The following ZBTB17 variants were observed in gnomAD, a reference collection of about 807,000 sequenced individuals.
The protein encoded by ZBTB17 is zinc finger and BTB domain containing 17, also known as zinc finger and BTB domain-containing protein 17.
ZBTB17 carries 24 observed loss-of-function variants against 85.1 expected under a neutral mutation model. The observed-to-expected ratio is 0.28, with a 90% CI of 0.20 to 0.40. ZBTB17 has a LOEUF of 0.40. Among genes scored for constraint, ZBTB17 ranks in the 10% least tolerant of loss-of-function variants. The pLI, the probability that ZBTB17 is intolerant of heterozygous loss-of-function variation, is 1.00. For synonymous variants in ZBTB17, 464 were observed against 460.2 expected, an observed-to-expected ratio of 1.01 and a Z score of -0.11; for missense variants, 743 against 1,105.1, an observed-to-expected ratio of 0.67 and a Z score of 4.65.
chr1:15,948,230 G>A (rs2148768646), intron 3 of ZBTB17, 61 bp downstream of exon 3: 1 of 1,600,392 alleles, frequency 6.2e-7, no homozygotes, highest in East Asian at 2.2e-5. Context: ...GCCTAGCATG[G>A]CACAGGGCCG....
In ZBTB17 at chr1:15,973,640, C is replaced by G. The variant is rs1570232229; in HGVS notation, c.-89-515G>C. Among the ~76,000 whole-genome samples, 2 of 152,196 alleles carry G rather than the reference C, an allele frequency of 1.3e-5. No homozygotes were observed. The highest frequency in any genetic ancestry group is 4.8e-5 in the African/African-American group (2 of 41,438). Reference sequence around the variant, plus strand: ...CCAGATCTGCTCCCCGTACTGCTCCCTATCACATGGAGCAGCATCCAACAC... The same window carrying G: ...CCAGATCTGCTCCCCGTACTGCTCCGTATCACATGGAGCAGCATCCAACAC... On this transcript the variant is annotated intron_variant, in intron 1 of 15. Coordinates refer to ENST00000375743, the MANE Select transcript of ZBTB17 (RefSeq NM_003443.3). This position sits in a 1 kb window ranked among gnomAD's most constrained non-coding sequence, Gnocchi z 4.1.
chr1:15,951,026 C>CAGAGTCAGT lies in ZBTB17; in HGVS notation c.-2-2530_-2-2529insACTGACTCT, dbSNP rs1163128985. Among the ~76,000 whole-genome samples the CAGAGTCAGT allele has an allele frequency of 7.2e-5, 11 of 152,252 alleles. No individual in the cohort carries two copies. The highest frequency in any genetic ancestry group is 1.3e-4 in the Non-Finnish European group (9 of 68,014). Reference sequence around the variant, plus strand: ...GCCCCAAGGACAGGGTGGGTGGTGGCCCAGCCCCCCACATACCACCACCCG... The same window carrying CAGAGTCAGT: ...GCCCCAAGGACAGGGTGGGTGGTGGCAGAGTCAGTCCAGCCCCCCACATACCACCACCCG... On this transcript the variant is annotated intron_variant, in intron 2 of 15. Coordinates refer to ENST00000375743, the MANE Select transcript of ZBTB17 (RefSeq NM_003443.3). The surrounding 1 kb of genome is among the most constrained non-coding windows in gnomAD (Gnocchi z 4.1).
At chr1:15,944,661 C>T in intron 8 of ZBTB17, 36 bp downstream of exon 8, 2 of 1,602,622 alleles carry the variant, frequency 1.2e-6, no homozygotes, top group Non-Finnish European at 8.5e-7. Flanking sequence ...CCGGGCCTGG[C>T]AGGGGCCGGG....
chr1:15,958,392 G>A (rs1265320531), intron 2 of ZBTB17, among the ~76,000 whole-genome samples: 3 of 136,806 alleles, frequency 2.2e-5, no homozygotes, highest in Non-Finnish European at 4.6e-5. Flanking sequence ...AGCTAACAGA[G>A]CCACAGCCTG....
Position 15,942,048 on chromosome 1 carries a change from GGGCGGAAGACCA to G in ZBTB17, c.2321_2332del (p.Leu774_Arg777del). On this transcript the variant is annotated inframe_deletion, in exon 16 of 16. Transcript: ENST00000375743. Reference sequence around the variant, plus strand: ...GGGCTGGCCCTCAGCCCCGTCGCGAGGGCGGAAGACCAGCTCCCCAGCCTGCAGCACCTGCCC... The same window carrying G: ...GGGCTGGCCCTCAGCCCCGTCGCGAGGCTCCCCAGCCTGCAGCACCTGCCC... 2 of 1,612,256 alleles carry G rather than the reference GGGCGGAAGACCA, an allele frequency of 1.2e-6. No individual in the cohort carries two copies. Among genetic ancestry groups the G allele is most frequent in the Non-Finnish European group, 1.7e-6 (2 of 1,180,010 alleles).
rs2072750822 is a variant in ZBTB17 at position 15,973,467 on chromosome 1, C to T, written c.-89-342G>A. Among the ~76,000 whole-genome samples the T allele has an allele frequency of 1.3e-5, 2 of 152,220 alleles. No individual in the cohort carries two copies. The highest frequency in any genetic ancestry group is 2.4e-5 in the African/African-American group (1 of 41,462). On this transcript the variant is annotated intron_variant, in intron 1 of 15. Coordinates refer to ENST00000375743, the MANE Select transcript of ZBTB17 (RefSeq NM_003443.3). The surrounding 1 kb of genome is among the most constrained non-coding windows in gnomAD (Gnocchi z 4.1). Reference sequence around the variant, plus strand: ...GGGATATCCTGGACACTTTGTTTCTCATTGCATACCCTACCCTAGGTGAGC... The same window carrying T: ...GGGATATCCTGGACACTTTGTTTCTTATTGCATACCCTACCCTAGGTGAGC...
Position 15,943,147 on chromosome 1 carries a change from T to C in ZBTB17, c.1745A>G (p.Asn582Ser), listed in dbSNP as rs746944189. Residue 582 changes from asparagine to serine, a missense_variant, in exon 13 of 16, where the codon AAC becomes AGC. By Grantham distance (46) the Asn-to-Ser change is conservative. Transcript: ENST00000375743. ...CACGCTGCACTTGTGTGGGCGGATG[T>C]TGTCGTGGTGGCGAATATGATTGGC... ...QLANHIRHHD[N>S]IRPHKCSVCS... is the part of the protein sequence containing the mutation. 6.2e-7 allele frequency: 1 copy of C among 1,614,156 alleles called. No homozygotes were observed. Among genetic ancestry groups the C allele is most frequent in the Non-Finnish European group, 8.5e-7 (1 of 1,179,998 alleles).
At chr1:15,963,365 C>T (rs988395273) in intron 2 of ZBTB17, among the ~76,000 whole-genome samples, 5 of 152,122 alleles carry the variant, frequency 3.3e-5, no homozygotes, top group Admixed American at 2.0e-4. Flanking sequence ...TAAAATGTAT[C>T]AAAGAACTGA....
chr1:15,949,127 C>T (rs1476693208), intron 2 of ZBTB17, among the ~76,000 whole-genome samples: 1 of 152,124 alleles, frequency 6.6e-6, no homozygotes, highest in African/African-American at 2.4e-5. Context: ...TCTTCTGACT[C>T]CAGAAACCTG....
chr1:15,947,915 TCACCTCTCCCCAC>T (rs992413649), intron 3 of ZBTB17, among the ~76,000 whole-genome samples: 1 of 152,142 alleles, frequency 6.6e-6, no homozygotes, highest in Non-Finnish European at 1.5e-5. Context: ...GCCTTCCCCA[TCACCTCTCCCCAC>T]GCTTCTAGTT....
intron 2 of ZBTB17, among the ~76,000 whole-genome samples, chr1:15,956,686 C>A (rs992939967): frequency 6.6e-6 from 1 of 152,110 alleles, no homozygotes; most frequent in Non-Finnish European, 1.5e-5. Flanking sequence ...GAAACAGATA[C>A]ATAGAGAGAG....
rs2072747021 is a variant in ZBTB17, at chr1:15,973,325, C to G, written c.-89-200G>C. On this transcript the variant is annotated intron_variant, in intron 1 of 15. Coordinates refer to ENST00000375743, the MANE Select transcript of ZBTB17 (RefSeq NM_003443.3). The surrounding 1 kb of genome is among the most constrained non-coding windows in gnomAD (Gnocchi z 4.1). ...ACACTGGGACACAAAGATGCACAGACTCAGCCTCAGGCCCTGCTCTCAAGA... is the reference window on the plus strand; with the variant it reads ...ACACTGGGACACAAAGATGCACAGAGTCAGCCTCAGGCCCTGCTCTCAAGA... 6.6e-6 allele frequency among the ~76,000 whole-genome samples: 1 copy of G among 152,216 alleles called. No individual in the cohort carries two copies.
chr1:15,946,263 C>T lies in ZBTB17; in HGVS notation c.426G>A (p.Val142=). 3 of 1,613,872 alleles carry T rather than the reference C, an allele frequency of 1.9e-6. No homozygotes were observed. The highest frequency in any genetic ancestry group is 8.5e-7 in the Non-Finnish European group (1 of 1,179,882). ...CCAGCCTGCTCAGCGTGCTGGTGGC[C>T]ACCTTCTCCTCTTTGGCTCTCTTGT... ...GGDKRAKEEK[V]ATSTLSRLEQ... The change falls in exon 5 of 16, where the codon GTG becomes GTA. Residue 142 remains valine (V), a synonymous_variant. Transcript: ENST00000375743.
intron 2 of ZBTB17, among the ~76,000 whole-genome samples, chr1:15,971,521 T>C (rs1378881120): frequency 3.0e-5 from 4 of 133,782 alleles, no homozygotes; most frequent in Non-Finnish European, 6.1e-5. Context: ...ACTATATATA[T>C]ACACACACAC....
At chr1:15,947,187 C>T in intron 3 of ZBTB17, 64 bp from the exon 4 acceptor site, 1 of 1,503,210 alleles carries the variant, frequency 6.7e-7, no homozygotes, top group South Asian at 1.2e-5. Context: ...GCCTGCCCCA[C>T]CACTCCACTC....
Position 15,943,704 on chromosome 1 carries a change from G to T in ZBTB17, c.1471C>A (p.Arg491=), listed in dbSNP as rs768868810. The change falls in exon 11 of 16, where the codon CGG becomes AGG. Residue 491 remains arginine, a synonymous_variant. Transcript: ENST00000375743. ...KQFTTSGNLK[R]HLRIHSGEKP... is the part of the protein sequence containing the mutation. ...TCCCCGCTGTGGATCCGAAGGTGCC[G>T]CTTCAGGTTCCCTGTGGCGAGACCG... 17 of 1,613,284 alleles carry T rather than the reference G, an allele frequency of 1.1e-5. No homozygotes were observed. Among genetic ancestry groups the T allele is most frequent in the Non-Finnish European group, 1.3e-5 (15 of 1,179,948 alleles).
intron 1 of ZBTB17, among the ~76,000 whole-genome samples, chr1:15,974,620 G>A (rs2072794580): frequency 6.6e-6 from 1 of 151,786 alleles, no homozygotes; most frequent in Non-Finnish European, 1.5e-5. Context: ...TGTCGCCCAG[G>A]CTGGAGTGCA....
intron 2 of ZBTB17, 106 bp from the exon 3 acceptor site, chr1:15,948,603 T>A: frequency 8.2e-7 from 1 of 1,218,210 alleles, no homozygotes; most frequent in Non-Finnish European, 1.1e-6. Flanking sequence ...AAGACAGAAT[T>A]AAAACAAGTG....
chr1:15,970,118 G>A, intron 2 of ZBTB17: 1 of 632,590 alleles, frequency 1.6e-6, no homozygotes, highest in Non-Finnish European at 2.9e-6. Flanking sequence ...CACAGTAGTT[G>A]GGTCATCATA....
Sources: allele counts gnomAD v4.1 joint callset (sites outside exome capture counted in the v4.1 genomes callset), GRCh38; gene constraint gnomAD v4.1.1; non-coding constraint Gnocchi (gnomAD v3.1); transcripts MANE v1.5; gene names NCBI Gene and HGNC (gene_info 2026-07-23, HGNC 2026-07-21).